Variants in GYS1 observed in about 807,000 individuals in gnomAD.
GYS1 encodes the protein glycogen synthase 1.
In GYS1, 60 loss-of-function variants were observed where a neutral mutation model predicts 89.1. That is an observed-to-expected ratio of 0.67 (90% CI 0.55 to 0.84). The LOEUF (loss-of-function observed/expected upper bound fraction) is 0.84. Ranked by LOEUF, GYS1 falls within the 40% of genes least tolerant of loss-of-function variation. GYS1 has a pLI of 0.00. For synonymous variants in GYS1, 366 were observed against 401.7 expected, an observed-to-expected ratio of 0.91 and a Z score of 1.06; for missense variants, 888 against 1,003.1, an observed-to-expected ratio of 0.89 and a Z score of 1.55.
At chr19:48,974,969 C>T (rs915032660) in intron 10 of GYS1, among the ~76,000 whole-genome samples, 4 of 152,094 alleles carry the variant, frequency 2.6e-5, no homozygotes, top group Non-Finnish European at 4.4e-5. Context: ...CTCGCTCTGT[C>T]GCCCAGGCTG....
At chr19:48,990,007 G>GT (rs1010948566) in intron 2 of GYS1, among the ~76,000 whole-genome samples, 3 of 150,378 alleles carry the variant, frequency 2.0e-5, no homozygotes, top group African/African-American at 2.5e-5. Flanking sequence ...CTGGGGGGGG[G>GT]GGGGGGCTAT....
intron 14 of GYS1, chr19:48,970,268 GC>G (rs1399131041): frequency 4.8e-5 from 23 of 479,310 alleles, no homozygotes; most frequent in Middle Eastern, 5.8e-4. Flanking sequence ...GGGACTACAG[GC>G]ACGCACCATC....
Position 48,969,111 on chromosome 19 carries a change from G to C in GYS1, c.*177C>G, listed in dbSNP as rs1471172873. On this transcript the variant is annotated 3_prime_UTR_variant, in exon 16 of 16. Transcript: ENST00000323798. ...GAAAGGCACGGCTTTGTGGATTCTGGAGTGCAGGAACTTGGAAACTGGAGC... is the reference window on the plus strand; with the variant it reads ...GAAAGGCACGGCTTTGTGGATTCTGCAGTGCAGGAACTTGGAAACTGGAGC... 3.1e-6 allele frequency: 2 copies of C among 642,680 alleles called. No individual in the cohort carries two copies. Among genetic ancestry groups the C allele is most frequent in the South Asian group, 3.7e-5 (2 of 53,948 alleles). The allele number at this position is 642,680 out of a possible 1,614,324, so 39.8% of individuals were successfully genotyped here. A position where few individuals can be genotyped will look rare whatever the true frequency, so the allele number is the denominator to read the frequency against.
intron 8 of GYS1, among the ~76,000 whole-genome samples, chr19:48,979,531 T>C (rs2038719242): frequency 1.3e-5 from 2 of 151,570 alleles, no homozygotes; most frequent in South Asian, 4.2e-4. Context: ...CCGATGGGAT[T>C]TCACCACGTT....
intron 4 of GYS1, 101 bp downstream of exon 4, chr19:48,985,749 G>A (rs2038832806): frequency 6.6e-7 from 1 of 1,521,844 alleles, no homozygotes; most frequent in Non-Finnish European, 9.1e-7. Context: ...TTGGACTCCT[G>A]GATCCTGGGA....
At chr19:48,982,115 T>A (rs773344972) in intron 7 of GYS1, 140 bp downstream of exon 7, 23 of 855,976 alleles carry the variant, frequency 2.7e-5, no homozygotes, top group Non-Finnish European at 4.1e-5. Context: ...CTGGTCTCCA[T>A]CTCCTGGGCT....
intron 8 of GYS1, among the ~76,000 whole-genome samples, chr19:48,980,272 C>A (rs577004487): frequency 6.6e-6 from 1 of 152,294 alleles, no homozygotes; most frequent in East Asian, 1.9e-4. Context: ...TGTGGCCTGT[C>A]CTGACAACCC....
At chr19:48,975,253 T>A (rs1049293640) in intron 10 of GYS1, among the ~76,000 whole-genome samples, 1 of 150,082 alleles carries the variant, frequency 6.7e-6, no homozygotes, top group Non-Finnish European at 1.5e-5. Flanking sequence ...TTTTTTTTTT[T>A]AATAGAGATG....
chr19:48,969,331 T>G lies in GYS1; in HGVS notation c.2171A>C (p.Glu724Ala). ...ATSSSLSTPSEPLSPTSSLGE... is the reference protein window; with the variant it reads ...ATSSSLSTPSAPLSPTSSLGE... ...CAGGGAGCTGGTGGGGCTGAGGGGC[T>G]CGCTCGGGGTGCTGAGTGAGCTGGA... Residue 724 changes from glutamate (E) to alanine (A), a missense_variant, in exon 16 of 16, where the codon GAG (glutamate) becomes GCG (alanine). Physicochemically the swap from Glu to Ala is moderately radical, Grantham distance 107. Coordinates refer to ENST00000323798, the MANE Select transcript of GYS1 (RefSeq NM_002103.5). 6.3e-7 allele frequency: 1 copy of G among 1,583,512 alleles called. No homozygotes were observed.
intron 11 of GYS1, 49 bp from the exon 12 acceptor site, chr19:48,974,388 C>A (rs766091953): frequency 3.1e-6 from 5 of 1,603,646 alleles, no homozygotes; most frequent in Non-Finnish European, 4.3e-6. Flanking sequence ...TTTAGCTAAG[C>A]CCTGAGATCC....
chr19:48,970,606 G>T lies in GYS1; in HGVS notation c.1749C>A (p.Ile583=), dbSNP rs146698792. ...GGCGCTCCGTGCGGTTCCGCTGGAT[G>T]ATACGCTGCCGCCGGCTCTGCTGAC... ...SFCQQSRRQR[I]IQRNRTERLS... is the part of the protein sequence containing the mutation. The change falls in exon 14 of 16, where the codon ATC becomes ATA. Residue 583 remains isoleucine, a synonymous_variant. Coordinates refer to ENST00000323798, the MANE Select transcript of GYS1 (RefSeq NM_002103.5). 1,399 of 1,613,960 alleles carry T rather than the reference G, an allele frequency of 8.7e-4. 9 individuals carry two copies. The African/African-American group carries it at 0.016, about 19-fold the overall frequency.
chr19:48,983,364 G>A (rs1168453192), intron 5 of GYS1, among the ~76,000 whole-genome samples: 1 of 152,174 alleles, frequency 6.6e-6, no homozygotes, highest in Non-Finnish European at 1.5e-5. Context: ...AGGTTCACAA[G>A]CACAAGTATA....
At chr19:48,970,830 GC>G in intron 13 of GYS1, 97 bp downstream of exon 13, 1 of 1,373,794 alleles carries the variant, frequency 7.3e-7, no homozygotes, top group South Asian at 1.2e-5. Flanking sequence ...ATTTCCTGGT[GC>G]CCCTGGTCTC....
chr19:48,992,921 C>T, intron 1 of GYS1, 74 bp downstream of exon 1: 1 of 879,500 alleles, frequency 1.1e-6, no homozygotes, highest in Non-Finnish European at 2.0e-6. Flanking sequence ...CCCCGTCCTC[C>T]TACAACTCAG....
rs1168357498 is a variant in GYS1 at position 48,969,269 on chromosome 19, G to C, written c.*19C>G. On this transcript the variant is annotated 3_prime_UTR_variant, in exon 16 of 16. Transcript: ENST00000323798. ...TGGAGCAGAGAGGCAGGACAGGCGGGGAGTGTGGTGGGGCGGACTTAGTTA... is the reference window on the plus strand; with the variant it reads ...TGGAGCAGAGAGGCAGGACAGGCGGCGAGTGTGGTGGGGCGGACTTAGTTA... The C allele has an allele frequency of 6.5e-7, 1 of 1,532,080 alleles. No individual in the cohort carries two copies. The highest frequency in any genetic ancestry group is 8.7e-7 in the Non-Finnish European group (1 of 1,144,148). The allele number at this position is 1,532,080 out of a possible 1,614,324, so 94.9% of individuals were successfully genotyped here.
intron 8 of GYS1, among the ~76,000 whole-genome samples, chr19:48,980,396 G>A (rs892144091): frequency 1.1e-4 from 16 of 152,170 alleles, no homozygotes; most frequent in Non-Finnish European, 4.4e-5. Flanking sequence ...GTTCACAGCT[G>A]TATTCCCAGG....
rs531050567 is a variant in GYS1, at chr19:48,972,365, G to T, written c.1550-1342C>A. Among the ~76,000 whole-genome samples the T allele has an allele frequency of 4.6e-5, 7 of 151,988 alleles. No homozygotes were observed. In the South Asian group the frequency reaches 1.5e-3, roughly 32 times the overall value. On this transcript the variant is annotated intron_variant, in intron 12 of 15. Coordinates refer to ENST00000323798, the MANE Select transcript of GYS1 (RefSeq NM_002103.5). ...AAAAAAAAATCTTTTATAGAGACAG[G>T]GTCTCACCATGTTGTCCAGGCTGGT...
At chr19:48,975,898 C>T (rs1169588640) in intron 10 of GYS1, among the ~76,000 whole-genome samples, 14 of 121,364 alleles carry the variant, frequency 1.2e-4, no homozygotes, top group African/African-American at 3.7e-4. Context: ...GGCGACAGAG[C>T]GAGACTCCGT....
At chr19:48,981,350 T>C (rs1209747472) in intron 8 of GYS1, 180 bp downstream of exon 8, 2 of 606,284 alleles carry the variant, frequency 3.3e-6, no homozygotes, top group East Asian at 3.0e-5. Context: ...GAGGTGGAGG[T>C]TGCAGTGAGC....
Sources: gnomAD v4.1 joint callset for allele counts (sites outside exome capture counted in the v4.1 genomes callset) on GRCh38, gnomAD v4.1.1 for gene constraint, MANE v1.5 for transcripts, NCBI Gene and HGNC (gene_info 2026-07-23, HGNC 2026-07-21) for gene names.